Variants in CDK14 observed in about 807,000 individuals in gnomAD.
CDK14 encodes cyclin-dependent kinase 14.
CDK14 carries 34 observed loss-of-function variants against 60.7 expected under a neutral mutation model. The observed-to-expected ratio is 0.56, with a 90% CI of 0.43 to 0.75. CDK14 has a LOEUF of 0.75. CDK14 is among the 30% of genes least tolerant of loss of function. The pLI is 0.00. For synonymous variants in CDK14, 197 were observed against 203.7 expected (o/e 0.97, Z 0.28); for missense variants, 482 against 564.1 (o/e 0.85, Z 1.47).
intron 12 of CDK14, among the ~76,000 whole-genome samples, chr7:91,111,367 T>A (rs921853450): frequency 6.6e-6 from 1 of 152,184 alleles, no homozygotes; most frequent in Non-Finnish European, 1.5e-5. Flanking sequence ...TTGAGTAGCT[T>A]CAAGGATTTT....
intron 7 of CDK14, among the ~76,000 whole-genome samples, chr7:90,908,132 TATTTTTATTATA>T (rs1562823131): frequency 1.3e-5 from 2 of 152,184 alleles, no homozygotes; most frequent in African/African-American, 2.4e-5. Context: ...GTTTTCATCC[TATTTTTATTATA>T]ATAAAATAAT....
chr7:90,640,251 C>T (rs1049375590), intron 2 of CDK14, among the ~76,000 whole-genome samples: 8 of 152,080 alleles, frequency 5.3e-5, no homozygotes, highest in East Asian at 1.9e-4. Context: ...TGTTCCTATT[C>T]GGCCATCTTG....
chr7:91,017,627 T>C (rs950811413), intron 10 of CDK14, among the ~76,000 whole-genome samples: 1 of 152,166 alleles, frequency 6.6e-6, no homozygotes, highest in Non-Finnish European at 1.5e-5. Flanking sequence ...TATTGATTAC[T>C]TCAGATGGTC....
intron 2 of CDK14, among the ~76,000 whole-genome samples, chr7:90,627,865 T>C (rs1009241773): frequency 3.9e-5 from 6 of 152,206 alleles, no homozygotes; most frequent in African/African-American, 1.4e-4. Flanking sequence ...TTCTCCCACA[T>C]AGGAGCCGTG....
intron 14 of CDK14, among the ~76,000 whole-genome samples, chr7:91,143,683 AGCCTGTGTT>A (rs1800535108): frequency 6.3e-4 from 1 of 1,584 alleles, no homozygotes; most frequent in South Asian, 4.9e-3. Flanking sequence ...ACTGTGTTCC[AGCCTGTGTT>A]ACAGAGTGAG....
intron 2 of CDK14, among the ~76,000 whole-genome samples, chr7:90,663,091 T>G (rs1800895146): frequency 9.8e-6 from 1 of 102,370 alleles, no homozygotes; most frequent in African/African-American, 3.8e-5. Flanking sequence ...GGAACTAAGA[T>G]GGGAACACAC....
At chr7:91,126,317 A>G (rs1045663738) in intron 14 of CDK14, among the ~76,000 whole-genome samples, 12 of 152,186 alleles carry the variant, frequency 7.9e-5, no homozygotes, top group Admixed American at 4.6e-4. Flanking sequence ...CAAGAATTTA[A>G]TCCTCCCTGG....
chr7:90,621,691 T>TCCTGCCTTCCTG (rs1344626016), intron 2 of CDK14, among the ~76,000 whole-genome samples: 6 of 151,402 alleles, frequency 4.0e-5, no homozygotes, highest in Admixed American at 3.3e-4. Context: ...CTTCCTGCCT[T>TCCTGCCTTCCTG]CCTTCCTTCC....
Position 90,968,992 on chromosome 7 carries a change from G to A in CDK14, c.947+13175G>A, listed in dbSNP as rs560586298. On this transcript the variant is annotated intron_variant, in intron 9 of 14. Transcript: ENST00000380050. ...CTGCCCTCGAGCAGCACCCACTAGC[G>A]CTACTGCATTGTACAACCCCAAAGG... Among the ~76,000 whole-genome samples, 16 of 152,226 alleles carry A rather than the reference G, an allele frequency of 1.1e-4. No individual in the cohort carries two copies. The South Asian group carries it at 2.5e-3, about 24-fold the overall frequency.
intron 10 of CDK14, among the ~76,000 whole-genome samples, chr7:91,020,454 C>A (rs1031867946): frequency 1.3e-5 from 2 of 152,148 alleles, no homozygotes; most frequent in Non-Finnish European, 2.9e-5. Flanking sequence ...TCACATGGAT[C>A]ACATATTCCA....
intron 2 of CDK14, among the ~76,000 whole-genome samples, chr7:90,664,365 G>C: frequency 6.6e-6 from 1 of 152,150 alleles, no homozygotes; most frequent in East Asian, 1.9e-4. Context: ...TTCAACCATT[G>C]TGGAAGTCGG....
At chr7:91,141,616 A>AG (rs1011078890) in intron 14 of CDK14, among the ~76,000 whole-genome samples, 4 of 151,192 alleles carry the variant, frequency 2.6e-5, no homozygotes, top group African/African-American at 4.9e-5. Flanking sequence ...CAGAAAAAAA[A>AG]AGAGAGAAAT....
chr7:91,061,813 CG>C (rs1197489661), intron 11 of CDK14, among the ~76,000 whole-genome samples: 2 of 152,208 alleles, frequency 1.3e-5, no homozygotes, highest in Non-Finnish European at 1.5e-5. Context: ...TGCCCCTACT[CG>C]GGGGTGCCTC....
intron 7 of CDK14, among the ~76,000 whole-genome samples, chr7:90,908,959 C>T (rs574626591): frequency 6.6e-6 from 1 of 152,114 alleles, no homozygotes; most frequent in Non-Finnish European, 1.5e-5. Flanking sequence ...TTTAGTTATA[C>T]TAGCCTTCTC....
chr7:91,204,040 A>G (rs990480944), intron 14 of CDK14, among the ~76,000 whole-genome samples: 4 of 152,194 alleles, frequency 2.6e-5, no homozygotes, highest in Non-Finnish European at 4.4e-5. Context: ...ATAAAGGTAT[A>G]TCTGCACAAT....
intron 3 of CDK14, among the ~76,000 whole-genome samples, chr7:90,736,398 G>T (rs1427619428): frequency 3.1e-5 from 4 of 127,240 alleles, no homozygotes; most frequent in Admixed American, 2.7e-4. Context: ...ATTTCCACTG[G>T]ATTCTGAATT....
At chr7:90,889,570 G>A (rs1792051833) in intron 6 of CDK14, among the ~76,000 whole-genome samples, 3 of 152,138 alleles carry the variant, frequency 2.0e-5, no homozygotes, top group Admixed American at 2.0e-4. Context: ...TGACTAAAAA[G>A]AAATGGCTAA....
At position 90,643,462 on chromosome 7, in the gene CDK14, A is replaced by T. The variant is rs185953724; in HGVS notation, c.123+39213A>T. On this transcript the variant is annotated intron_variant, in intron 2 of 14. Coordinates refer to ENST00000380050, the MANE Select transcript of CDK14 (RefSeq NM_001287135.2). Reference sequence around the variant, plus strand: ...ATTTTTACATTCTGGGATTGTGATGATTTGTTTTGATATACACCATATGGA... The same window carrying T: ...ATTTTTACATTCTGGGATTGTGATGTTTTGTTTTGATATACACCATATGGA... Among the ~76,000 whole-genome samples the T allele has an allele frequency of 9.2e-4, 139 of 151,908 alleles. 1 individual carries two copies. The highest frequency in any genetic ancestry group is 3.3e-3 in the African/African-American group (136 of 41,416).
At chr7:91,110,025 C>G (rs565252911) in intron 12 of CDK14, among the ~76,000 whole-genome samples, 2 of 151,970 alleles carry the variant, frequency 1.3e-5, no homozygotes, top group African/African-American at 4.8e-5. Context: ...GATTGAGAAC[C>G]ACCACCACCA....
Sources: allele counts gnomAD v4.1 joint callset (sites outside exome capture counted in the v4.1 genomes callset), GRCh38; gene constraint gnomAD v4.1.1; transcripts MANE v1.5; gene names NCBI Gene and HGNC (gene_info 2026-07-23, HGNC 2026-07-21).